The following DLG2 variants were observed in gnomAD, a reference collection of about 807,000 sequenced individuals.
DLG2 encodes discs large MAGUK scaffold protein 2.
DLG2 carries 45 observed loss-of-function variants against 132.5 expected under a neutral mutation model. The observed-to-expected ratio is 0.34, with a 90% CI of 0.27 to 0.44. The LOEUF is 0.44. Ranked by LOEUF, DLG2 falls within the 20% of genes least tolerant of loss-of-function variation. The pLI, the probability that DLG2 is intolerant of heterozygous loss-of-function variation, is 1.00. For missense variants in DLG2, 1,045 were observed against 1,196.9 expected, an observed-to-expected ratio of 0.87 and a Z score of 1.87; for synonymous variants, 424 against 419.6, an observed-to-expected ratio of 1.01 and a Z score of -0.13.
At chr11:84,551,633 C>A (rs2099402044) in intron 6 of DLG2, among the ~76,000 whole-genome samples, 1 of 152,194 alleles carries the variant, frequency 6.6e-6, no homozygotes, top group Admixed American at 6.5e-5. Context: ...CTTGTTCACA[C>A]AACTAGTGGA....
chr11:84,060,624 T>G (rs992280903), intron 10 of DLG2, among the ~76,000 whole-genome samples: 3 of 151,898 alleles, frequency 2.0e-5, no homozygotes, highest in Non-Finnish European at 2.9e-5. Flanking sequence ...TATGTGGCCA[T>G]CGACTCCAAA....
intron 6 of DLG2, among the ~76,000 whole-genome samples, chr11:85,027,015 TA>T (rs541009155): frequency 5.2e-4 from 79 of 152,026 alleles, no homozygotes; most frequent in Middle Eastern, 3.4e-3. Context: ...TACAAATACT[TA>T]TTAATAGATA....
chr11:84,847,890 C>A (rs776030671), intron 6 of DLG2, among the ~76,000 whole-genome samples: 2 of 151,952 alleles, frequency 1.3e-5, no homozygotes, highest in Non-Finnish European at 1.5e-5. Flanking sequence ...AGGAAGCTGA[C>A]AAAGTTTTCA....
intron 11 of DLG2, among the ~76,000 whole-genome samples, chr11:83,999,717 C>T (rs1214138850): frequency 6.6e-6 from 1 of 152,170 alleles, no homozygotes; most frequent in African/African-American, 2.4e-5. Flanking sequence ...CTTATAACTG[C>T]ACTGTACACC....
At chr11:83,963,668 G>C (rs1396419929) in intron 13 of DLG2, among the ~76,000 whole-genome samples, 1 of 151,880 alleles carries the variant, frequency 6.6e-6, no homozygotes, top group Non-Finnish European at 1.5e-5. Flanking sequence ...GTTCTCCATT[G>C]TTGTTATGTA....
chr11:83,801,193 A>T (rs1237583275), intron 17 of DLG2, among the ~76,000 whole-genome samples: 1 of 151,852 alleles, frequency 6.6e-6, no homozygotes, highest in African/African-American at 2.4e-5. Flanking sequence ...TTCTAATTCC[A>T]TGCATTTTCT....
chr11:85,144,077 AT>A (rs1377221495), intron 5 of DLG2, among the ~76,000 whole-genome samples: 5 of 151,722 alleles, frequency 3.3e-5, no homozygotes, highest in Non-Finnish European at 5.9e-5. Context: ...TTTAGCCTTA[AT>A]AATATTTGTT....
intron 7 of DLG2, among the ~76,000 whole-genome samples, chr11:84,401,401 T>A (rs141133952): frequency 2.2e-4 from 34 of 152,240 alleles, no homozygotes; most frequent in Non-Finnish European, 2.5e-4. Flanking sequence ...ACCCCTGGAC[T>A]GTCTCTTCAA....
At chr11:85,364,415 G>A (rs78484165) in intron 3 of DLG2, among the ~76,000 whole-genome samples, 2 of 152,150 alleles carry the variant, frequency 1.3e-5, no homozygotes, top group Non-Finnish European at 2.9e-5. Flanking sequence ...AATTGACAGG[G>A]ATTAGTATAT....
chr11:84,722,356 G>C (rs375369651), intron 6 of DLG2, among the ~76,000 whole-genome samples: 5 of 152,100 alleles, frequency 3.3e-5, no homozygotes, highest in African/African-American at 1.2e-4. Flanking sequence ...AAACTAATAA[G>C]AGCCTCAATA....
At chr11:84,565,622 T>C (rs2099450717) in intron 6 of DLG2, among the ~76,000 whole-genome samples, 1 of 152,180 alleles carries the variant, frequency 6.6e-6, no homozygotes, top group African/African-American at 2.4e-5. Context: ...CATGTTCAAA[T>C]GTCAGATTAT....
intron 20 of DLG2, among the ~76,000 whole-genome samples, chr11:83,540,150 A>G (rs1258189150): frequency 6.6e-6 from 1 of 152,180 alleles, no homozygotes; most frequent in Non-Finnish European, 1.5e-5. Flanking sequence ...ATTCAACAAG[A>G]TGGCTCTTTC....
At chr11:84,269,246 C>T (rs953851904) in intron 7 of DLG2, among the ~76,000 whole-genome samples, 1 of 152,148 alleles carries the variant, frequency 6.6e-6, no homozygotes, top group African/African-American at 2.4e-5. Flanking sequence ...TGACTGTGCC[C>T]TATTTATTAT....
intron 7 of DLG2, among the ~76,000 whole-genome samples, chr11:84,473,563 T>G (rs938269981): frequency 2.6e-5 from 4 of 151,988 alleles, no homozygotes; most frequent in African/African-American, 7.2e-5. Context: ...GGTAATGTCA[T>G]GTGAGCAGAA....
chr11:85,616,880 C>T (rs1445350449), intron 2 of DLG2, among the ~76,000 whole-genome samples: 2 of 152,136 alleles, frequency 1.3e-5, no homozygotes, highest in African/African-American at 4.8e-5. Context: ...GTCCATGACT[C>T]GGACATATCA....
In DLG2 at chr11:83,590,388, C is replaced by G. The variant is rs369843787; in HGVS notation, c.1940+42823G>C. The stretch of plus-strand genomic sequence containing the variant: ...AACTGAACAACCTGCTCCTGAATGA[C>G]TACTGGATACATAACGAAATGAAGG... On this transcript the variant is annotated intron_variant, in intron 19 of 27. Coordinates refer to ENST00000376104, the MANE Select transcript of DLG2 (RefSeq NM_001142699.3). Among the ~76,000 whole-genome samples the G allele has an allele frequency of 6.0e-3, 910 of 152,256 alleles. 5 individuals are homozygous for G. The highest frequency in any genetic ancestry group is 0.024 in the Middle Eastern group (7 of 294).
At chr11:84,293,023 G>C (rs2098028122) in intron 7 of DLG2, among the ~76,000 whole-genome samples, 1 of 152,128 alleles carries the variant, frequency 6.6e-6, no homozygotes, top group African/African-American at 2.4e-5. Context: ...GTTTAAAGTT[G>C]GTCAGTGAGT....
chr11:84,997,916 G>A (rs553702684), intron 6 of DLG2: 2 of 152,170 alleles, frequency 1.3e-5, no homozygotes, highest in Non-Finnish European at 2.9e-5. Flanking sequence ...CAGGCAATCA[G>A]GCAGAAGTCC....
At chr11:85,141,192 A>G (rs895958712) in intron 5 of DLG2, among the ~76,000 whole-genome samples, 1 of 151,854 alleles carries the variant, frequency 6.6e-6, no homozygotes, top group Non-Finnish European at 1.5e-5. Context: ...TAAACAGTGT[A>G]TGAGGGTTAC....
Sources: allele counts gnomAD v4.1 joint callset (sites outside exome capture counted in the v4.1 genomes callset), GRCh38; gene constraint gnomAD v4.1.1; transcripts MANE v1.5; gene names NCBI Gene and HGNC (gene_info 2026-07-23, HGNC 2026-07-21).